The following SCAF8 variants were observed in gnomAD, a reference collection of about 807,000 sequenced individuals.
SCAF8 encodes SR-related CTD associated factor 8.
SCAF8 carries 23 observed loss-of-function variants against 140.5 expected under a neutral mutation model. That is an observed-to-expected ratio of 0.16 (90% CI 0.12 to 0.23). SCAF8 has a LOEUF of 0.23. Ranked by LOEUF, SCAF8 falls within the 10% of genes least tolerant of loss-of-function variation. The probability of loss-of-function intolerance (pLI) is 1.00; values close to 1 mark genes in which losing one functional copy is unlikely to be tolerated. For missense variants in SCAF8, 1,397 were observed against 1,555.7 expected, an observed-to-expected ratio of 0.90 and a Z score of 1.72; for synonymous variants, 575 against 528.9, an observed-to-expected ratio of 1.09 and a Z score of -1.20.
At chr6:154,822,958 G>A (rs1051852431) in intron 16 of SCAF8, among the ~76,000 whole-genome samples, 53 of 152,252 alleles carry the variant, frequency 3.5e-4, no homozygotes, top group African/African-American at 1.1e-3. Context: ...AAAAAGTAGC[G>A]TAAGGCTGAT....
At chr6:154,753,624 T>C (rs1002091334) in intron 1 of SCAF8, among the ~76,000 whole-genome samples, 6 of 152,140 alleles carry the variant, frequency 3.9e-5, no homozygotes, top group African/African-American at 9.7e-5. Flanking sequence ...AATAAATACA[T>C]GTATAAAGTG....
rs1335201160 is a variant in SCAF8 at position 154,802,123 on chromosome 6, A to G, written c.759A>G (p.Leu253=). ...CAGCTGCCAACACTCTTACTCCCTT[A>G]GAACAGGGAGTCTCCTTTAACAAGG... The part of the protein sequence containing the change: ...AAAAANTLTP[L]EQGVSFNKKL... The change falls in exon 7 of 20, where the codon TTA becomes TTG. Residue 253 remains leucine (L), a synonymous_variant. Coordinates refer to ENST00000367178, the MANE Select transcript of SCAF8 (RefSeq NM_014892.5). 8.8e-6 allele frequency: 14 copies of G among 1,596,968 alleles called. No individual in the cohort carries two copies. The highest frequency in any genetic ancestry group is 1.8e-5 in the Admixed American group (1 of 55,994).
At chr6:154,782,901 C>T (rs1777125817) in intron 3 of SCAF8, among the ~76,000 whole-genome samples, 1 of 152,184 alleles carries the variant, frequency 6.6e-6, no homozygotes, top group Non-Finnish European at 1.5e-5. Context: ...CCCCTGCTCA[C>T]TGACTCAAAT....
intron 1 of SCAF8, among the ~76,000 whole-genome samples, chr6:154,768,318 T>G (rs28799605): frequency 6.6e-6 from 1 of 152,206 alleles, no homozygotes; most frequent in Non-Finnish European, 1.5e-5. Context: ...GGGTCTGTGG[T>G]GGTATTCAAG....
chr6:154,828,570 T>C (rs1208426609), intron 18 of SCAF8, among the ~76,000 whole-genome samples: 1 of 152,120 alleles, frequency 6.6e-6, no homozygotes, highest in Non-Finnish European at 1.5e-5. Flanking sequence ...GTGGGAGACC[T>C]GTGTTGCCTC....
At chr6:154,774,221 C>T in intron 2 of SCAF8, 149 bp downstream of exon 2, 2 of 610,318 alleles carry the variant, frequency 3.3e-6, no homozygotes, top group East Asian at 2.8e-5. Flanking sequence ...GAAAATCTGT[C>T]ACCTGTAGAC....
intron 16 of SCAF8, among the ~76,000 whole-genome samples, chr6:154,822,663 T>G (rs1196505404): frequency 6.6e-6 from 1 of 152,218 alleles, no homozygotes; most frequent in Non-Finnish European, 1.5e-5. Flanking sequence ...TCAGAGGATT[T>G]TTTTAGGTTC....
rs34353222 is a variant in SCAF8 at position 154,831,997 on chromosome 6, G to A, written c.2418G>A (p.Val806=). 0.023 allele frequency: 36,962 copies of A among 1,613,262 alleles called. 519 individuals are homozygous for A. The highest frequency in any genetic ancestry group is 0.026 in the Non-Finnish European group (30,657 of 1,179,664). Reference sequence around the variant, plus strand: ...TTTTAGGAGGACAGCCGCCAAATGTGACAAGCAATTCTGGAATTCTGGGAG... The same window carrying A: ...TTTTAGGAGGACAGCCGCCAAATGTAACAAGCAATTCTGGAATTCTGGGAG... The part of the protein sequence containing the change: ...AAILGGQPPN[V]TSNSGILGVQ... Residue 806 remains valine (V), a synonymous_variant, in exon 20 of 20, where the codon GTG becomes GTA. Coordinates refer to ENST00000367178, the MANE Select transcript of SCAF8 (RefSeq NM_014892.5).
At position 154,822,300 on chromosome 6, in the gene SCAF8, A is replaced by C. The variant is rs1408984448; in HGVS notation, c.1817A>C (p.Glu606Ala). 4 of 1,612,624 alleles carry C rather than the reference A, an allele frequency of 2.5e-6. No homozygotes were observed. The highest frequency in any genetic ancestry group is 1.1e-5 in the South Asian group (1 of 90,792). ...NTEWETVKSSEPVKETVQTTQ... is the reference protein window; with the variant it reads ...NTEWETVKSSAPVKETVQTTQ... ...GAGTGGGAAACTGTGAAAAGCTCAGAACCTGTTAAAGAGACGGTCCAGACA... is the reference window on the plus strand; with the variant it reads ...GAGTGGGAAACTGTGAAAAGCTCAGCACCTGTTAAAGAGACGGTCCAGACA... Residue 606 changes from glutamate (E) to alanine (A), a missense_variant, in exon 16 of 20, where the codon GAA (glutamate) becomes GCA (alanine). Around this residue, in one of 5 missense-constraint regions of SCAF8, gnomAD observed 930 missense variants for 874.6 expected, o/e 1.06. Transcript: ENST00000367178.
At chr6:154,774,278 T>C (rs113254804) in intron 2 of SCAF8, among the ~76,000 whole-genome samples, 6 of 152,192 alleles carry the variant, frequency 3.9e-5, no homozygotes, top group Non-Finnish European at 7.3e-5. Context: ...TACTCTTTTT[T>C]AGAGACAATG....
At chr6:154,743,722 A>G (rs927863613) in intron 1 of SCAF8, among the ~76,000 whole-genome samples, 1 of 152,208 alleles carries the variant, frequency 6.6e-6, no homozygotes, top group Non-Finnish European at 1.5e-5. Flanking sequence ...TGATCTAGCA[A>G]TGTTTTTGAT....
intron 6 of SCAF8, among the ~76,000 whole-genome samples, chr6:154,799,779 T>TTATG (rs1777717077): frequency 7.2e-6 from 1 of 139,530 alleles, no homozygotes; most frequent in South Asian, 2.1e-4. Context: ...TGACTGCTAT[T>TTATG]TATTTATTTA....
chr6:154,733,778 G>GCCCGCTCTCCCGCCAGCGC lies in SCAF8; in HGVS notation c.-119_-101dup. ...TCCACTCCGCCCCGAGGTCGCAGCG[G>GCCCGCTCTCCCGCCAGCGC]CCCGCTCTCCCGCCAGCGCCCCCTC... On this transcript the variant is annotated 5_prime_UTR_variant, in exon 1 of 20. Transcript: ENST00000367178. The GCCCGCTCTCCCGCCAGCGC allele has an allele frequency of 1.5e-6, 2 of 1,376,740 alleles. No homozygotes were observed. Among genetic ancestry groups the GCCCGCTCTCCCGCCAGCGC allele is most frequent in the South Asian group, 3.5e-5 (2 of 57,544 alleles). 85.3% of individuals were successfully genotyped at this position (1,376,740 alleles called of 1,614,324 possible).
At chr6:154,770,787 C>T (rs974768410) in intron 1 of SCAF8, among the ~76,000 whole-genome samples, 15 of 152,164 alleles carry the variant, frequency 9.9e-5, no homozygotes, top group African/African-American at 3.6e-4. Context: ...GCTCTGTCAC[C>T]ATGCTGGAGT....
intron 3 of SCAF8, among the ~76,000 whole-genome samples, chr6:154,780,521 C>G (rs1278288679): frequency 6.6e-6 from 1 of 152,016 alleles, no homozygotes; most frequent in Non-Finnish European, 1.5e-5. Context: ...TCTCCCTCCC[C>G]TCGTCCCCCA....
At chr6:154,744,566 A>G (rs1432743294) in intron 1 of SCAF8, among the ~76,000 whole-genome samples, 1 of 152,164 alleles carries the variant, frequency 6.6e-6, no homozygotes, top group Non-Finnish European at 1.5e-5. Flanking sequence ...GAGGCCCAAC[A>G]GTTGTGATTT....
In SCAF8 at chr6:154,833,451, G is replaced by C. The variant is rs763223423; in HGVS notation, c.*56G>C. ...GTAAAGTTGTCATCTCTCTGTAATA[G>C]ATAATGGCTGACTGGACCATAGTTG... On this transcript the variant is annotated 3_prime_UTR_variant, in exon 20 of 20. Transcript: ENST00000367178. The C allele has an allele frequency of 2.7e-4, 406 of 1,506,960 alleles. No homozygotes were observed. Among genetic ancestry groups the C allele is most frequent in the Non-Finnish European group, 2.8e-4 (310 of 1,111,858 alleles). 93.3% of individuals were successfully genotyped at this position (1,506,960 alleles called of 1,614,324 possible).
At chr6:154,784,155 A>T (rs79043154) in intron 3 of SCAF8, among the ~76,000 whole-genome samples, 6,150 of 91,472 alleles carry the variant, frequency 0.067, 249 homozygotes, top group Non-Finnish European at 0.096. Context: ...ATATATATAT[A>T]TATTTATTTA....
At chr6:154,767,635 G>A (rs188089298) in intron 1 of SCAF8, among the ~76,000 whole-genome samples, 1 of 148,838 alleles carries the variant, frequency 6.7e-6, no homozygotes, top group Non-Finnish European at 1.5e-5. Context: ...TGCCTCCTGG[G>A]CTCAAGTGAT....
Sources: allele counts gnomAD v4.1 joint callset (sites outside exome capture counted in the v4.1 genomes callset), GRCh38; gene constraint gnomAD v4.1.1; regional missense constraint gnomAD v4.1.1; transcripts MANE v1.5; gene names NCBI Gene and HGNC (gene_info 2026-07-23, HGNC 2026-07-21).